The following TDP1 variants were observed in gnomAD, a reference collection of about 807,000 sequenced individuals.
TDP1 encodes tyrosyl-DNA phosphodiesterase 1, also known as tyr-DNA phosphodiesterase 1.
Under a neutral mutation model 81.5 loss-of-function variants are expected in TDP1, and 64 were observed. The observed-to-expected ratio is 0.79, with a 90% CI of 0.64 to 0.97. The LOEUF (loss-of-function observed/expected upper bound fraction) is 0.97. Among genes scored for constraint, TDP1 ranks in the 50% least tolerant of loss-of-function variants. The probability of loss-of-function intolerance (pLI) is 0.00; values close to 1 mark genes in which losing one functional copy is unlikely to be tolerated. For synonymous variants in TDP1, 256 were observed against 264.3 expected (o/e 0.97, Z 0.30); for missense variants, 723 against 743.8 (o/e 0.97, Z 0.33).
intron 2 of TDP1, among the ~76,000 whole-genome samples, chr14:89,962,035 G>A (rs1159604134): frequency 6.6e-6 from 1 of 152,150 alleles, no homozygotes; most frequent in Non-Finnish European, 1.5e-5. Flanking sequence ...ACAAGATTTG[G>A]TAGGTAACAG....
intron 8 of TDP1, among the ~76,000 whole-genome samples, chr14:89,982,426 T>C (rs1895082733): frequency 6.6e-6 from 1 of 152,140 alleles, no homozygotes; most frequent in Admixed American, 6.5e-5. Flanking sequence ...TGTGGCCCTA[T>C]CAAAAGGCAA....
intron 15 of TDP1, among the ~76,000 whole-genome samples, chr14:90,020,571 CT>C (rs1417291558): frequency 6.5e-5 from 1 of 15,360 alleles, no homozygotes; most frequent in Non-Finnish European, 1.1e-4. Flanking sequence ...CCCTCCCTCC[CT>C]TCCTTCCTTC....
At chr14:89,992,941 T>A in intron 13 of TDP1, 1 of 984,978 alleles carries the variant, frequency 1.0e-6, no homozygotes, top group South Asian at 4.7e-5. Flanking sequence ...ATTTTTTTCA[T>A]ATACTGTTTG....
At chr14:90,024,698 C>T (rs1886453768) in intron 15 of TDP1, among the ~76,000 whole-genome samples, 1 of 152,198 alleles carries the variant, frequency 6.6e-6, no homozygotes, top group South Asian at 2.1e-4. Flanking sequence ...TAGGAGTCCA[C>T]TGCAGTACTT....
intron 14 of TDP1, among the ~76,000 whole-genome samples, chr14:89,995,249 C>G (rs139057093): frequency 1.7e-3 from 264 of 152,256 alleles, no homozygotes; most frequent in African/African-American, 6.0e-3. Flanking sequence ...TCTGGGTGAG[C>G]AATCATGTGT....
chr14:89,967,689 T>C (rs927522548), intron 5 of TDP1, among the ~76,000 whole-genome samples: 3 of 152,236 alleles, frequency 2.0e-5, no homozygotes, highest in African/African-American at 7.2e-5. Flanking sequence ...CAGAATTTCA[T>C]GTCCAGTCTT....
At chr14:89,964,858 T>C (rs1199743375) in intron 3 of TDP1, 1 of 449,402 alleles carries the variant, frequency 2.2e-6, no homozygotes, top group Admixed American at 2.4e-5. Flanking sequence ...CAGGACAGTC[T>C]TATGAGTAGA....
At position 89,962,884 on chromosome 14, in the gene TDP1, A is replaced by T. The variant is rs34000259; in HGVS notation, c.-7-224A>T. On this transcript the variant is annotated intron_variant, in intron 2 of 16. Coordinates refer to ENST00000335725, the MANE Select transcript of TDP1 (RefSeq NM_018319.4). ...GCGAGACCCTGTTTCAAAAAAAAAA[A>T]GGAAGAAAAAAGAAAGGTGACCAGG... 8.5e-3 allele frequency: 8,358 copies of T among 981,770 alleles called. 530 individuals are homozygous for T. In the African/African-American group the frequency reaches 0.13, roughly 16 times the overall value. The allele number at this position is 981,770 out of a possible 1,614,324, so 60.8% of individuals were successfully genotyped here.
intron 10 of TDP1, among the ~76,000 whole-genome samples, chr14:89,985,563 A>C (rs917210903): frequency 2.0e-5 from 3 of 152,258 alleles, no homozygotes; most frequent in Non-Finnish European, 4.4e-5. Flanking sequence ...GAAAATGTTG[A>C]GTAAAGACTA....
rs772817377 is a variant in TDP1 at position 89,966,158 on chromosome 14, C to T, written c.571C>T (p.Pro191Ser). 2 of 1,604,844 alleles carry T rather than the reference C, an allele frequency of 1.2e-6. 1 individual carries two copies. Among genetic ancestry groups the T allele is most frequent in the South Asian group, 2.2e-5 (2 of 90,904 alleles). ...TTTTGTCTTCTCAGATATTTTATCTCCTTTATTTGGGACGCTTGTTTCTTC... is the reference window on the plus strand; with the variant it reads ...TTTTGTCTTCTCAGATATTTTATCTTCTTTATTTGGGACGCTTGTTTCTTC... Reference protein sequence around the residue: ...GALHIKDILSPLFGTLVSSAQ... With the variant: ...GALHIKDILSSLFGTLVSSAQ... The change falls in exon 4 of 17, where the codon CCT (proline) becomes TCT (serine). Residue 191 changes from proline to serine, a missense_variant. Coordinates refer to ENST00000335725, the MANE Select transcript of TDP1 (RefSeq NM_018319.4).
rs200294753 is a variant in TDP1 at position 89,963,150 on chromosome 14, A to G, written c.36A>G (p.Ile12Met). Reference sequence around the variant, plus strand: ...AAGGCGATTATGGGAGGTGGACCATATCTAGTAGTGATGAAAGTGAGGAAG... The same window carrying G: ...AAGGCGATTATGGGAGGTGGACCATGTCTAGTAGTGATGAAAGTGAGGAAG... ...SQEGDYGRWTISSSDESEEEK... is the reference protein window; with the variant it reads ...SQEGDYGRWTMSSSDESEEEK... Residue 12 changes from isoleucine to methionine, a missense_variant, in exon 3 of 17, where the codon ATA (isoleucine) becomes ATG (methionine). Transcript: ENST00000335725. The G allele has an allele frequency of 1.2e-6, 2 of 1,614,134 alleles. No homozygotes were observed. Among genetic ancestry groups the G allele is most frequent in the East Asian group, 4.5e-5 (2 of 44,866 alleles).
At chr14:89,967,510 ATCTTTTGAGTTTT>A (rs1893088398) in intron 5 of TDP1, 88 bp downstream of exon 5, 9 of 1,148,948 alleles carry the variant, frequency 7.8e-6, no homozygotes, top group Non-Finnish European at 1.2e-5. Flanking sequence ...AAAGCCACTC[ATCTTTTGAGTTTT>A]TCTTTTGAAA....
intron 16 of TDP1, among the ~76,000 whole-genome samples, chr14:90,041,117 T>C (rs1888310520): frequency 1.3e-5 from 2 of 152,220 alleles, no homozygotes; most frequent in Non-Finnish European, 2.9e-5. Flanking sequence ...TTGGGTGTCA[T>C]TGGCCTTGGG....
chr14:89,961,798 A>G (rs1341475275), intron 2 of TDP1, among the ~76,000 whole-genome samples: 5 of 152,268 alleles, frequency 3.3e-5, no homozygotes, highest in Non-Finnish European at 5.9e-5. Context: ...TGGGGAATGT[A>G]GGTTTTGTGA....
chr14:89,974,308 T>C (rs1357889267), intron 6 of TDP1, among the ~76,000 whole-genome samples: 2 of 152,256 alleles, frequency 1.3e-5, no homozygotes, highest in African/African-American at 2.4e-5. Context: ...CATGTAACTT[T>C]TAGCAAACGA....
chr14:89,964,333 G>A (rs1296706896), intron 3 of TDP1, among the ~76,000 whole-genome samples: 1 of 152,228 alleles, frequency 6.6e-6, no homozygotes, highest in East Asian at 1.9e-4. Context: ...AGGAGCTCTA[G>A]AATCTGCTTT....
intron 2 of TDP1, among the ~76,000 whole-genome samples, chr14:89,962,152 G>A (rs1892402114): frequency 6.6e-6 from 1 of 152,114 alleles, no homozygotes; most frequent in Non-Finnish European, 1.5e-5. Flanking sequence ...AGTTATTTCT[G>A]TGTAGGTGTT....
chr14:89,981,332 A>G (rs1486405628), intron 8 of TDP1: 11 of 377,808 alleles, frequency 2.9e-5, no homozygotes, highest in Non-Finnish European at 5.2e-5. Context: ...CTTGGTGCAC[A>G]TATGCTAGAT....
intron 15 of TDP1, among the ~76,000 whole-genome samples, chr14:90,030,554 CA>C (rs996242263): frequency 1.3e-5 from 2 of 152,146 alleles, no homozygotes; most frequent in Non-Finnish European, 2.9e-5. Context: ...TGCTGTAACC[CA>C]TACCTTTCTG....
Sources: gnomAD v4.1 joint callset for allele counts (sites outside exome capture counted in the v4.1 genomes callset) on GRCh38, gnomAD v4.1.1 for gene constraint, MANE v1.5 for transcripts, NCBI Gene and HGNC (gene_info 2026-07-23, HGNC 2026-07-21) for gene names.